Variants in LIMD1 observed in about 807,000 individuals in gnomAD.
The protein encoded by LIMD1 is LIM domain-containing protein 1.
A neutral mutation model predicts 58.4 loss-of-function variants in LIMD1; 23 were observed. The observed-to-expected ratio is 0.39, with a 90% CI of 0.28 to 0.56. LIMD1 has a LOEUF of 0.56. Among genes scored for constraint, LIMD1 ranks in the 20% least tolerant of loss-of-function variants. The pLI, the probability that LIMD1 is intolerant of heterozygous loss-of-function variation, is 0.57. For missense variants in LIMD1, 838 were observed against 855.5 expected (o/e 0.98, Z 0.25); for synonymous variants, 334 against 345.5 (o/e 0.97, Z 0.37).
intron 2 of LIMD1, among the ~76,000 whole-genome samples, chr3:45,658,580 TG>T (rs1431237572): frequency 8.6e-5 from 12 of 139,372 alleles, no homozygotes; most frequent in African/African-American, 2.9e-4. Context: ...GACTGAGTTT[TG>T]CTCATGTTGC....
chr3:45,629,668 C>T (rs1457910594), intron 1 of LIMD1, among the ~76,000 whole-genome samples: 1 of 152,062 alleles, frequency 6.6e-6, no homozygotes, highest in Non-Finnish European at 1.5e-5. Context: ...TGCTGGACGG[C>T]GAGAGGAACA....
intron 2 of LIMD1, among the ~76,000 whole-genome samples, chr3:45,657,838 C>T (rs1697357926): frequency 6.6e-6 from 1 of 152,134 alleles, no homozygotes; most frequent in African/African-American, 2.4e-5. Context: ...AAGTGATTCC[C>T]AAAAATAATC....
At chr3:45,665,574 C>G in intron 2 of LIMD1, 76 bp from the exon 3 acceptor site, 1 of 1,181,316 alleles carries the variant, frequency 8.5e-7, no homozygotes, top group Admixed American at 1.8e-5. Flanking sequence ...AAAGATTTTG[C>G]TTTTCACTTT....
At chr3:45,606,505 T>C (rs1701469414) in intron 1 of LIMD1, among the ~76,000 whole-genome samples, 1 of 152,202 alleles carries the variant, frequency 6.6e-6, no homozygotes, top group Non-Finnish European at 1.5e-5. Context: ...GTCTCCAGCT[T>C]TCTCTTCTGT....
intron 2 of LIMD1, among the ~76,000 whole-genome samples, chr3:45,650,993 C>T (rs1285547145): frequency 1.4e-5 from 2 of 138,082 alleles, no homozygotes; most frequent in East Asian, 2.2e-4. Context: ...TCCTCTCCAG[C>T]GTCTGTTGTT....
chr3:45,674,231 C>A (rs1188623435), intron 6 of LIMD1, 112 bp from the exon 7 acceptor site: 20 of 693,418 alleles, frequency 2.9e-5, no homozygotes, highest in Non-Finnish European at 5.3e-5. Flanking sequence ...CTCCCAAGGC[C>A]ACCTACTTGT....
chr3:45,632,239 C>G (rs917243939), intron 1 of LIMD1, among the ~76,000 whole-genome samples: 1 of 152,310 alleles, frequency 6.6e-6, no homozygotes, highest in Non-Finnish European at 1.5e-5. Context: ...AGGGGACTTA[C>G]GATGGGTAAT....
chr3:45,659,908 G>T (rs1697404786), intron 2 of LIMD1, among the ~76,000 whole-genome samples: 1 of 152,154 alleles, frequency 6.6e-6, no homozygotes, highest in Non-Finnish European at 1.5e-5. Flanking sequence ...AATATACAGT[G>T]ACAACAATCA....
chr3:45,656,842 G>C (rs1040347163), intron 2 of LIMD1, among the ~76,000 whole-genome samples: 3 of 152,154 alleles, frequency 2.0e-5, no homozygotes, highest in African/African-American at 4.8e-5. Context: ...CTGCCCAAAC[G>C]TCAGGGCACA....
intron 2 of LIMD1, among the ~76,000 whole-genome samples, chr3:45,651,613 CA>C (rs1174708465): frequency 6.6e-6 from 1 of 151,804 alleles, no homozygotes; most frequent in Non-Finnish European, 1.5e-5. Flanking sequence ...TTGTTTTTGT[CA>C]AGTTTGTCAA....
At chr3:45,650,148 C>G (rs1244986647) in intron 2 of LIMD1, among the ~76,000 whole-genome samples, 1 of 151,964 alleles carries the variant, frequency 6.6e-6, no homozygotes, top group East Asian at 1.9e-4. Context: ...TGAAGTTGTC[C>G]CAGAGCTCAC....
At chr3:45,674,706 G>T (rs1697644820) in intron 7 of LIMD1, 2 of 292,692 alleles carry the variant, frequency 6.8e-6, no homozygotes, top group Non-Finnish European at 1.3e-5. Flanking sequence ...TGGGTTTCAG[G>T]TCCTATCTGC....
At chr3:45,602,933 C>T (rs59291901) in intron 1 of LIMD1, among the ~76,000 whole-genome samples, 2,912 of 152,096 alleles carry the variant, frequency 0.019, 85 homozygotes, top group African/African-American at 0.066. Context: ...ACCGCCTCCC[C>T]GGGTTCAAGC....
At chr3:45,636,090 TTA>T (rs1701785289) in intron 1 of LIMD1, 58 bp from the exon 2 acceptor site, 6 of 1,605,886 alleles carry the variant, frequency 3.7e-6, no homozygotes, top group Admixed American at 1.7e-5. Flanking sequence ...ATTGGCTTTT[TTA>T]TGACTCAGTT....
In LIMD1 at chr3:45,680,271, C is replaced by G. The variant is rs566168590; in HGVS notation, c.*3212C>G. 6.6e-6 allele frequency: 1 copy of G among 152,014 alleles called. No individual in the cohort carries two copies. Among genetic ancestry groups the G allele is most frequent in the Non-Finnish European group, 1.5e-5 (1 of 68,044 alleles). The allele number at this position is 152,014 out of a possible 1,614,324, so 9.4% of individuals were successfully genotyped here. A position where few individuals can be genotyped will look rare whatever the true frequency, so the allele number is the denominator to read the frequency against. On this transcript the variant is annotated 3_prime_UTR_variant, in exon 8 of 8. Coordinates refer to ENST00000273317, the MANE Select transcript of LIMD1 (RefSeq NM_014240.3). The stretch of plus-strand genomic sequence containing the variant: ...GACCACAAATTATTACTGCTTGATG[C>G]GCTTGTTAAAACTCTATCTGCCAGG...
chr3:45,632,500 G>A (rs1575352675), intron 1 of LIMD1: 1 of 985,386 alleles, frequency 1.0e-6, no homozygotes, highest in Non-Finnish European at 1.2e-6. Flanking sequence ...GCCTTGGAAT[G>A]AAGTGCTTGT....
At chr3:45,635,756 A>AAAC (rs1701780261) in intron 1 of LIMD1, 1 of 273,252 alleles carries the variant, frequency 3.7e-6, no homozygotes, top group Non-Finnish European at 5.5e-6. Flanking sequence ...AAAAAAAAAA[A>AAAC]AAAAGGGAGG....
intron 2 of LIMD1, among the ~76,000 whole-genome samples, chr3:45,647,129 T>G (rs1329473286): frequency 6.6e-6 from 1 of 152,212 alleles, no homozygotes; most frequent in Non-Finnish European, 1.5e-5. Flanking sequence ...CCCCCAAAAA[T>G]GTATGCTGTG....
Position 45,595,625 on chromosome 3 carries a change from G to A in LIMD1, c.746G>A (p.Ser249Asn). ...GAGGGTAGCCTCGGTGGTCAGAATA[G>A]TGGCATTGGTGGCCGCAGCAGCGAG... ...SSEGSLGGQN[S>N]GIGGRSSEKP... The change falls in exon 1 of 8, where the codon AGT becomes AAT. Residue 249 changes from serine to asparagine, a missense_variant. Physicochemically the swap from Ser to Asn is conservative, Grantham distance 46 (BLOSUM62 1). This residue lies in a region of LIMD1 where 659 missense variants were observed against 639.8 expected (regional missense o/e 1.03). Coordinates refer to ENST00000273317, the MANE Select transcript of LIMD1 (RefSeq NM_014240.3). The A allele has an allele frequency of 6.2e-7, 1 of 1,613,640 alleles. No individual in the cohort carries two copies. The highest frequency in any genetic ancestry group is 8.5e-7 in the Non-Finnish European group (1 of 1,179,866).
Sources: allele counts gnomAD v4.1 joint callset (sites outside exome capture counted in the v4.1 genomes callset), GRCh38; gene constraint gnomAD v4.1.1; regional missense constraint gnomAD v4.1.1; transcripts MANE v1.5; gene names NCBI Gene and HGNC (gene_info 2026-07-23, HGNC 2026-07-21).